The following GFPT2 variants were observed in gnomAD, a reference collection of about 807,000 sequenced individuals.
GFPT2 encodes the protein glutamine--fructose-6-phosphate transaminase 2, also known as glutamine--fructose-6-phosphate aminotransferase [isomerizing] 2.
A neutral mutation model predicts 85.6 loss-of-function variants in GFPT2; 62 were observed. The observed-to-expected ratio is 0.72, with a 90% CI of 0.59 to 0.90. The LOEUF is 0.90. Ranked by LOEUF, GFPT2 falls within the 40% of genes least tolerant of loss-of-function variation. The pLI is 0.00. For synonymous variants in GFPT2, 368 were observed against 344.5 expected (o/e 1.07, Z -0.75); for missense variants, 788 against 893.4 (o/e 0.88, Z 1.50).
chr5:180,303,510 G>C (rs916068492), intron 17 of GFPT2, among the ~76,000 whole-genome samples: 8 of 152,236 alleles, frequency 5.3e-5, no homozygotes, highest in Non-Finnish European at 1.0e-4. Context: ...TGAAACAGGA[G>C]GAAAGGGCCA....
At chr5:180,324,511 GCAAA>G in intron 8 of GFPT2, 1 of 583,550 alleles carries the variant, frequency 1.7e-6, no homozygotes, top group South Asian at 2.2e-5. Flanking sequence ...TGAGAGGAAT[GCAAA>G]CAAAAACAAA....
chr5:180,307,119 C>T lies in GFPT2; in HGVS notation c.1674+57G>A. The T allele has an allele frequency of 2.1e-6, 3 of 1,452,432 alleles. 1 individual carries two copies. The highest frequency in any genetic ancestry group is 1.2e-5 in the South Asian group (1 of 80,580). 90.0% of individuals were successfully genotyped at this position (1,452,432 alleles called of 1,614,324 possible). On this transcript the variant is annotated intron_variant, in intron 16 of 18. Coordinates refer to ENST00000253778, the MANE Select transcript of GFPT2 (RefSeq NM_005110.4). ...GCCCTGCCCTCCTTCCCGCTGGCTC[C>T]TCAGGGTCTCCTGTGCCTGTCCTCC...
At chr5:180,309,481 C>T (rs1292109858) in intron 15 of GFPT2, among the ~76,000 whole-genome samples, 5 of 152,142 alleles carry the variant, frequency 3.3e-5, no homozygotes, top group Admixed American at 6.5e-5. Context: ...AGTGCAACGG[C>T]GTGATCTCAG....
intron 15 of GFPT2, among the ~76,000 whole-genome samples, chr5:180,308,294 CAAT>C (rs1310411658): frequency 1.3e-5 from 2 of 151,380 alleles, no homozygotes; most frequent in Non-Finnish European, 2.9e-5. Context: ...AAGAAACTAA[CAAT>C]GAGAAATTTA....
chr5:180,347,267 A>T (rs1199605434), intron 1 of GFPT2, among the ~76,000 whole-genome samples: 1 of 152,228 alleles, frequency 6.6e-6, no homozygotes, highest in Non-Finnish European at 1.5e-5. Context: ...ACCTCTGCAA[A>T]GATGGCCCTG....
At position 180,335,880 on chromosome 5, in the gene GFPT2, G is replaced by C. The variant is rs766039757; in HGVS notation, c.288C>G (p.His96Gln). 3.1e-6 allele frequency: 5 copies of C among 1,587,758 alleles called. No homozygotes were observed. In the East Asian group the frequency reaches 1.1e-4, roughly 36 times the overall value. Residue 96 changes from histidine (H) to glutamine (Q), a missense_variant, in exon 4 of 19, where the codon CAC becomes CAG. Physicochemically the swap from His to Gln is conservative, Grantham distance 24 (BLOSUM62 0). Coordinates refer to ENST00000253778, the MANE Select transcript of GFPT2 (RefSeq NM_005110.4). Reference protein sequence around the residue: ...FGIAHTRWATHGVPSAVNSHP... With the variant: ...FGIAHTRWATQGVPSAVNSHP... ...GGCTGTTGACAGCACTGGGGACCCC[G>C]TGGGTGGCCCAGCGCGTGTGGGCAA...
chr5:180,312,407 G>T (rs1216699692), intron 15 of GFPT2, 23 bp downstream of exon 15: 1 of 1,220,120 alleles, frequency 8.2e-7, no homozygotes, highest in South Asian at 1.2e-5. Context: ...TGAAAACATG[G>T]AAAGCTGAAT....
intron 15 of GFPT2, among the ~76,000 whole-genome samples, chr5:180,311,421 A>G (rs1763878696): frequency 6.6e-6 from 1 of 152,206 alleles, no homozygotes; most frequent in Non-Finnish European, 1.5e-5. Context: ...AGGGGAGGCC[A>G]CGGTCCCCAA....
At chr5:180,350,436 C>T (rs1764691972) in intron 1 of GFPT2, among the ~76,000 whole-genome samples, 1 of 152,228 alleles carries the variant, frequency 6.6e-6, no homozygotes, top group Non-Finnish European at 1.5e-5. Context: ...GTAGCCCGTG[C>T]TCAAGGTCCT....
At chr5:180,348,769 G>A (rs1479608548) in intron 1 of GFPT2, among the ~76,000 whole-genome samples, 1 of 150,738 alleles carries the variant, frequency 6.6e-6, no homozygotes, top group Non-Finnish European at 1.5e-5. Context: ...TTGAGACAGG[G>A]TCTTGCTCTG....
chr5:180,302,695 G>T, intron 17 of GFPT2, 111 bp from the exon 18 acceptor site: 1 of 791,052 alleles, frequency 1.3e-6, no homozygotes, highest in Non-Finnish European at 2.0e-6. Context: ...GTCCTCTTTT[G>T]CATTTGCTGG....
chr5:180,317,189 G>A, intron 10 of GFPT2, 131 bp from the exon 11 acceptor site: 3 of 699,232 alleles, frequency 4.3e-6, no homozygotes, highest in Non-Finnish European at 7.8e-6. Flanking sequence ...TACCCTGCCT[G>A]ACACTCACTA....
intron 15 of GFPT2, among the ~76,000 whole-genome samples, chr5:180,308,247 C>A (rs1763816395): frequency 6.7e-6 from 1 of 149,886 alleles, no homozygotes; most frequent in Admixed American, 6.7e-5. Flanking sequence ...CAGAGCGAGA[C>A]TCCATCTCGA....
Position 180,313,830 on chromosome 5 carries a change from C to T in GFPT2, c.1408G>A (p.Glu470Lys). 1 of 1,577,972 alleles carries T rather than the reference C, an allele frequency of 6.3e-7. No individual in the cohort carries two copies. The highest frequency in any genetic ancestry group is 8.6e-7 in the Non-Finnish European group (1 of 1,165,782). Residue 470 changes from glutamate to lysine, a missense_variant, in exon 14 of 19, where the codon GAG becomes AAG. Coordinates refer to ENST00000253778, the MANE Select transcript of GFPT2 (RefSeq NM_005110.4). ...ACCTTGGTGCTGGCCACGCCGATCT[C>T]CGGCCCTGCGTTGATGTGGACGCCG... ...DCGVHINAGP[E>K]IGVASTKAYT...
At chr5:180,332,526 A>C (rs146080075) in intron 4 of GFPT2, among the ~76,000 whole-genome samples, 1 of 151,986 alleles carries the variant, frequency 6.6e-6, no homozygotes, top group Non-Finnish European at 1.5e-5. Context: ...GTGAAGTCTT[A>C]TTTGTTTTTA....
Position 180,330,730 on chromosome 5 carries a change from T to C in GFPT2, c.504A>G (p.Ser168=). 6.2e-7 allele frequency: 1 copy of C among 1,613,414 alleles called. No individual in the cohort carries two copies. Among genetic ancestry groups the C allele is most frequent in the Non-Finnish European group, 8.5e-7 (1 of 1,179,282 alleles). ...DNRETEDITF[S]TLVERVIQQL... Reference sequence around the variant, plus strand: ...GCTGAATGACTCTCTCGACCAACGTTGAAAACGTAATGTCCTCAGTTTCTC... The same window carrying C: ...GCTGAATGACTCTCTCGACCAACGTCGAAAACGTAATGTCCTCAGTTTCTC... The change falls in exon 6 of 19, where the codon TCA becomes TCG. Residue 168 remains serine, a synonymous_variant. Transcript: ENST00000253778. The surrounding 1 kb of genome is among the most constrained non-coding windows in gnomAD (Gnocchi z 4.4).
intron 9 of GFPT2, among the ~76,000 whole-genome samples, chr5:180,322,341 G>A (rs1054051349): frequency 5.9e-5 from 9 of 151,728 alleles, no homozygotes; most frequent in Admixed American, 1.3e-4. Flanking sequence ...ACTGAGGAAT[G>A]TGGAATCTCT....
Position 180,310,394 on chromosome 5 carries a change from C to T in GFPT2, c.1546+2036G>A, listed in dbSNP as rs114999137. On this transcript the variant is annotated intron_variant, in intron 15 of 18. Coordinates refer to ENST00000253778, the MANE Select transcript of GFPT2 (RefSeq NM_005110.4). ...CTGAGATTACAGGCGTGAGCCACTGCGCCTCACCATCAAGGCCATTCTTTT... is the reference window on the plus strand; with the variant it reads ...CTGAGATTACAGGCGTGAGCCACTGTGCCTCACCATCAAGGCCATTCTTTT... 9.4e-3 allele frequency among the ~76,000 whole-genome samples: 1,421 copies of T among 151,604 alleles called. 28 individuals are homozygous for T. The highest frequency in any genetic ancestry group is 0.033 in the African/African-American group (1,354 of 41,286).
chr5:180,332,467 A>G (rs1478740979), intron 4 of GFPT2, among the ~76,000 whole-genome samples: 5 of 152,128 alleles, frequency 3.3e-5, no homozygotes, highest in African/African-American at 1.2e-4. Flanking sequence ...AGGTGTCTAG[A>G]TGTGGGATAC....
Sources: allele counts gnomAD v4.1 joint callset (sites outside exome capture counted in the v4.1 genomes callset), GRCh38; gene constraint gnomAD v4.1.1; non-coding constraint Gnocchi (gnomAD v3.1); transcripts MANE v1.5; gene names NCBI Gene and HGNC (gene_info 2026-07-23, HGNC 2026-07-21).